Variants in TBC1D15 observed in about 807,000 individuals in gnomAD.
TBC1D15 encodes the protein GAP for RAB7.
TBC1D15 carries 39 observed loss-of-function variants against 95.4 expected under a neutral mutation model. The ratio of observed to expected loss-of-function variants is 0.41; its 90% CI spans 0.32 to 0.53. The LOEUF (loss-of-function observed/expected upper bound fraction) is 0.53, where lower values mean the gene tolerates loss of function less well. Ranked by LOEUF, TBC1D15 falls within the 20% of genes least tolerant of loss-of-function variation. The pLI, the probability that TBC1D15 is intolerant of heterozygous loss-of-function variation, is 0.29. For synonymous variants in TBC1D15, 258 were observed against 261.3 expected (o/e 0.99, Z 0.12); for missense variants, 733 against 794.3 (o/e 0.92, Z 0.93).
intron 3 of TBC1D15, among the ~76,000 whole-genome samples, chr12:71,876,637 A>C (rs537596667): frequency 6.6e-6 from 1 of 152,216 alleles, no homozygotes; most frequent in Non-Finnish European, 1.5e-5. Flanking sequence ...GTTTTGGTGC[A>C]GCTCCAGGGC....
At chr12:71,876,215 C>T (rs535609750) in intron 3 of TBC1D15, among the ~76,000 whole-genome samples, 69 of 152,272 alleles carry the variant, frequency 4.5e-4, no homozygotes, top group Middle Eastern at 6.8e-3. Flanking sequence ...ACCAAATTTT[C>T]CATCTCCCAA....
At chr12:71,887,302 T>C (rs1180587784) in intron 5 of TBC1D15, among the ~76,000 whole-genome samples, 1 of 131,914 alleles carries the variant, frequency 7.6e-6, no homozygotes, top group African/African-American at 3.1e-5. Flanking sequence ...TACTATTCTG[T>C]ATTGAAGAGA....
chr12:71,905,764 G>A (rs138821393), intron 10 of TBC1D15, among the ~76,000 whole-genome samples: 16 of 152,258 alleles, frequency 1.1e-4, no homozygotes, highest in African/African-American at 3.6e-4. Context: ...CATTTTAACA[G>A]AAAGCTAAAA....
intron 5 of TBC1D15, 45 bp from the exon 6 acceptor site, chr12:71,893,177 A>G: frequency 1.8e-6 from 2 of 1,122,824 alleles, no homozygotes; most frequent in Non-Finnish European, 2.5e-6. Context: ...GTAGTAATTG[A>G]TACAGTGTGT....
At chr12:71,901,482 A>T (rs909025949) in intron 10 of TBC1D15, among the ~76,000 whole-genome samples, 14 of 152,182 alleles carry the variant, frequency 9.2e-5, no homozygotes, top group African/African-American at 3.4e-4. Flanking sequence ...ATGTGGATAT[A>T]TGGGGCTGGA....
intron 3 of TBC1D15, among the ~76,000 whole-genome samples, chr12:71,876,527 GT>G (rs1893856576): frequency 6.6e-6 from 1 of 152,154 alleles, no homozygotes. Context: ...TTAGTTTGCA[GT>G]GCAGCAGCTT....
chr12:71,891,979 A>G (rs953543745), intron 5 of TBC1D15, among the ~76,000 whole-genome samples: 1 of 152,154 alleles, frequency 6.6e-6, no homozygotes, highest in African/African-American at 2.4e-5. Flanking sequence ...TGGCAGTGCC[A>G]GCAGCACTGT....
chr12:71,884,455 C>G (rs1365844667), intron 4 of TBC1D15, among the ~76,000 whole-genome samples: 1 of 152,048 alleles, frequency 6.6e-6, no homozygotes, highest in African/African-American at 2.4e-5. Context: ...GTAACTGAGG[C>G]TCAGAGAAAT....
At chr12:71,841,815 G>T (rs1391198956) in intron 1 of TBC1D15, among the ~76,000 whole-genome samples, 1 of 152,004 alleles carries the variant, frequency 6.6e-6, no homozygotes, top group African/African-American at 2.4e-5. Context: ...GATTTAAAAA[G>T]CAAATGAAAA....
At chr12:71,921,926 A>AAC (rs1406871649) in intron 16 of TBC1D15, among the ~76,000 whole-genome samples, 1 of 152,216 alleles carries the variant, frequency 6.6e-6, no homozygotes, top group Non-Finnish European at 1.5e-5. Context: ...CCAAAGCAGT[A>AAC]TACTTTTGAT....
intron 12 of TBC1D15, among the ~76,000 whole-genome samples, chr12:71,916,540 A>C (rs1245360974): frequency 1.3e-5 from 2 of 152,194 alleles, no homozygotes; most frequent in African/African-American, 4.8e-5. Context: ...TAATAGACTT[A>C]AATTTTTTTT....
intron 1 of TBC1D15, among the ~76,000 whole-genome samples, chr12:71,860,994 G>A (rs1890250876): frequency 6.6e-6 from 1 of 152,088 alleles, no homozygotes; most frequent in Admixed American, 6.5e-5. Flanking sequence ...TTCTAATGAT[G>A]TGATATATCA....
intron 11 of TBC1D15, among the ~76,000 whole-genome samples, chr12:71,910,984 AAAG>A (rs1902118744): frequency 6.6e-6 from 1 of 152,220 alleles, no homozygotes; most frequent in South Asian, 2.1e-4. Context: ...ACACTTCTCA[AAAG>A]AAGACATTTA....
intron 14 of TBC1D15, among the ~76,000 whole-genome samples, chr12:71,920,181 CTA>C (rs1349714628): frequency 6.6e-6 from 1 of 152,132 alleles, no homozygotes; most frequent in East Asian, 1.9e-4. Flanking sequence ...CAAGCGTTTT[CTA>C]TGTTTGGTTA....
intron 10 of TBC1D15, among the ~76,000 whole-genome samples, chr12:71,900,046 G>T (rs1259454958): frequency 6.6e-6 from 1 of 152,248 alleles, no homozygotes; most frequent in Non-Finnish European, 1.5e-5. Flanking sequence ...ATGAAATATG[G>T]GGTGTGAAGG....
intron 10 of TBC1D15, among the ~76,000 whole-genome samples, chr12:71,898,716 A>G (rs1898715059): frequency 6.6e-6 from 1 of 152,110 alleles, no homozygotes; most frequent in Non-Finnish European, 1.5e-5. Flanking sequence ...GGATTTGTAT[A>G]TCCGTGGTTT....
At chr12:71,843,368 G>A (rs1885549563) in intron 1 of TBC1D15, among the ~76,000 whole-genome samples, 1 of 151,902 alleles carries the variant, frequency 6.6e-6, no homozygotes, top group Non-Finnish European at 1.5e-5. Context: ...TTATTTTGTA[G>A]CTTAAAATTG....
At chr12:71,879,379 C>T (rs970411205) in intron 3 of TBC1D15, among the ~76,000 whole-genome samples, 1 of 152,192 alleles carries the variant, frequency 6.6e-6, no homozygotes, top group Non-Finnish European at 1.5e-5. Context: ...AGGTGATCCA[C>T]CCGCTTCGGT....
chr12:71,881,481 G>T (rs1895119466), intron 4 of TBC1D15, among the ~76,000 whole-genome samples: 1 of 152,098 alleles, frequency 6.6e-6, no homozygotes, highest in African/African-American at 2.4e-5. Flanking sequence ...GATATAGCCT[G>T]GGCATCTGTG....
Sources: gnomAD v4.1 joint callset for allele counts (sites outside exome capture counted in the v4.1 genomes callset) on GRCh38, gnomAD v4.1.1 for gene constraint, MANE v1.5 for transcripts, NCBI Gene and HGNC (gene_info 2026-07-23, HGNC 2026-07-21) for gene names.